C10orf88: variants seen among roughly 807,000 people sequenced by gnomAD.
C10orf88 encodes the protein ATPase PAAT.
A neutral mutation model predicts 34.2 loss-of-function variants in C10orf88; 29 were observed. The ratio of observed to expected loss-of-function variants is 0.85; its 90% CI spans 0.63 to 1.16. The LOEUF (loss-of-function observed/expected upper bound fraction) is 1.16, where lower values mean the gene tolerates loss of function less well. C10orf88 is among the 50% of genes most tolerant of loss of function. C10orf88 has a pLI of 0.00. For missense variants in C10orf88, 507 were observed against 533.2 expected (o/e 0.95, Z 0.48); for synonymous variants, 194 against 197.4 (o/e 0.98, Z 0.15).
rs1286650403 is a variant in C10orf88 at position 122,954,054 on chromosome 10, TCAC to T, written c.122_124del (p.Gly41del). 6.5e-7 allele frequency: 1 copy of T among 1,539,724 alleles called. No homozygotes were observed. The highest frequency in any genetic ancestry group is 8.7e-7 in the Non-Finnish European group (1 of 1,145,960). ...TGCCAGCAGCTCCTCCCAGTCGAAG[TCAC>T]CGGGGCCGAGACCGGCCCGGGTGAG... On this transcript the variant is annotated inframe_deletion, in exon 1 of 6. Coordinates refer to ENST00000481909, the MANE Select transcript of C10orf88 (RefSeq NM_024942.4).
chr10:122,938,309 G>T, intron 4 of C10orf88, 150 bp from the exon 5 acceptor site: 1 of 685,456 alleles, frequency 1.5e-6, no homozygotes, highest in Non-Finnish European at 2.3e-6. Flanking sequence ...CCAATATTAA[G>T]CTGAGGAGAC....
rs1425235979 is a variant in C10orf88 at position 122,932,280 on chromosome 10, T to C, written c.*147A>G. 1 of 605,858 alleles carries C rather than the reference T, an allele frequency of 1.7e-6. No individual in the cohort carries two copies. The highest frequency in any genetic ancestry group is 2.9e-6 in the Non-Finnish European group (1 of 350,774). 37.5% of individuals were successfully genotyped at this position (605,858 alleles called of 1,614,324 possible). On this transcript the variant is annotated 3_prime_UTR_variant, in exon 6 of 6. Coordinates refer to ENST00000481909, the MANE Select transcript of C10orf88 (RefSeq NM_024942.4). The stretch of plus-strand genomic sequence containing the variant: ...AGTACTGGATTTAAAATAACAAGTG[T>C]AGTAAAAACGAAAACTGAGGTCACT...
At chr10:122,932,868 A>T (rs74159924) in intron 5 of C10orf88, among the ~76,000 whole-genome samples, 1 of 152,186 alleles carries the variant, frequency 6.6e-6, no homozygotes, top group South Asian at 2.1e-4. Flanking sequence ...CTTTTTTAGT[A>T]TACAATTGAA....
chr10:122,952,046 A>AT lies in C10orf88; in HGVS notation c.369-21_369-20insA. 1 of 1,246,758 alleles carries AT rather than the reference A, an allele frequency of 8.0e-7. No homozygotes were observed. The highest frequency in any genetic ancestry group is 1.1e-6 in the Non-Finnish European group (1 of 884,280). 77.2% of individuals were successfully genotyped at this position (1,246,758 alleles called of 1,614,324 possible). The stretch of plus-strand genomic sequence containing the variant: ...TGTTCACTAAAAATAAAAAAGAATT[A>AT]ATTTTTTTTACTTACATATATTGTC... On this transcript the variant is annotated intron_variant, in intron 2 of 5. Transcript: ENST00000481909.
At chr10:122,933,804 C>T (rs1360363109) in intron 5 of C10orf88, among the ~76,000 whole-genome samples, 1 of 152,126 alleles carries the variant, frequency 6.6e-6, no homozygotes, top group Non-Finnish European at 1.5e-5. Context: ...ATTCAATATA[C>T]ATGATAATGC....
At position 122,954,101 on chromosome 10, in the gene C10orf88, G is replaced by A. The variant is rs1053802116; in HGVS notation, c.78C>T (p.Ala26=). The A allele has an allele frequency of 5.7e-6, 9 of 1,581,876 alleles. No individual in the cohort carries two copies. Among genetic ancestry groups the A allele is most frequent in the African/African-American group, 1.4e-5 (1 of 73,460 alleles). The change falls in exon 1 of 6, where the codon GCC becomes GCT. Residue 26 remains alanine (A), a synonymous_variant. Transcript: ENST00000481909. ...GGGTGAGGAGGAGGCTGTGGGTCAG[G>A]GCCCCGCCTGCAACATCCCAAGAAG... ...LASSWDVAGG[A]LTHSLLLTRA...
At chr10:122,932,787 T>C in intron 5 of C10orf88, 126 bp from the exon 6 acceptor site, 2 of 677,230 alleles carry the variant, frequency 3.0e-6, no homozygotes, top group Non-Finnish European at 4.9e-6. Flanking sequence ...CTTCTTACAA[T>C]GCATTTCTAG....
At chr10:122,949,631 C>T (rs1216484729) in intron 3 of C10orf88, among the ~76,000 whole-genome samples, 1 of 152,182 alleles carries the variant, frequency 6.6e-6, no homozygotes, top group African/African-American at 2.4e-5. Flanking sequence ...CAATTTAAAA[C>T]TTATGAATTG....
intron 2 of C10orf88, 90 bp downstream of exon 2, chr10:122,952,739 C>T: frequency 6.8e-7 from 1 of 1,465,192 alleles, no homozygotes; most frequent in Non-Finnish European, 9.4e-7. Context: ...CATATGGTAT[C>T]AATATCAGAG....
At position 122,940,177 on chromosome 10, in the gene C10orf88, A is replaced by C. The variant is rs543215116; in HGVS notation, c.649-2018T>G. On this transcript the variant is annotated intron_variant, in intron 4 of 5. Transcript: ENST00000481909. ...ATGTCCATTGACTGATGTATTGATA[A>C]AGAAAATGAAATGAAATATCATTGA... Among the ~76,000 whole-genome samples the C allele has an allele frequency of 2.2e-4, 34 of 152,178 alleles. No homozygotes were observed. The South Asian group carries it at 5.0e-3, about 22-fold the overall frequency.
rs758349249 is a variant in C10orf88 at position 122,937,766 on chromosome 10, C to T, written c.1042G>A (p.Gly348Arg). ...LCSQVNHLHV[G>R]NKTECQENIT... ...TTTTCCTGACACTCGGTCTTATTTCCCACATGGAGATGATTAACTTGACTA... is the reference window on the plus strand; with the variant it reads ...TTTTCCTGACACTCGGTCTTATTTCTCACATGGAGATGATTAACTTGACTA... Residue 348 changes from glycine to arginine, a missense_variant, in exon 5 of 6, where the codon GGA becomes AGA. Transcript: ENST00000481909. 1.4e-4 allele frequency: 223 copies of T among 1,612,784 alleles called. 1 individual carries two copies. The highest frequency in any genetic ancestry group is 1.9e-4 in the Non-Finnish European group (220 of 1,179,290).
At chr10:122,937,376 T>C (rs974923927) in intron 5 of C10orf88, among the ~76,000 whole-genome samples, 1 of 151,920 alleles carries the variant, frequency 6.6e-6, no homozygotes, top group Admixed American at 6.6e-5. Context: ...AGTACAAATA[T>C]ATAAAAACAA....
In C10orf88 at chr10:122,937,702, T is replaced by C. The variant is rs1255228132; in HGVS notation, c.1103+3A>G. The C allele has an allele frequency of 6.3e-7, 1 of 1,588,834 alleles. No homozygotes were observed. On this transcript the variant is annotated splice_donor_region_variant and intron_variant, in intron 5 of 5. Transcript: ENST00000481909. ...AACTCGTATGTCTTAAAATAATACT[T>C]ACCCAACACCAAGAATGCGTTCACC...
In C10orf88 at chr10:122,954,009, G is replaced by A; in HGVS notation, c.164+6C>T. On this transcript the variant is annotated splice_donor_region_variant and intron_variant, in intron 1 of 5. Coordinates refer to ENST00000481909, the MANE Select transcript of C10orf88 (RefSeq NM_024942.4). The stretch of plus-strand genomic sequence containing the variant: ...TAGCGACCCCGTCCCCGTCGGCCCG[G>A]CGCACCCTGGAGCAGGCGGTGCCAG... 1 of 1,516,006 alleles carries A rather than the reference G, an allele frequency of 6.6e-7. No homozygotes were observed. Among genetic ancestry groups the A allele is most frequent in the Non-Finnish European group, 8.8e-7 (1 of 1,136,278 alleles). The allele number at this position is 1,516,006 out of a possible 1,614,324, so 93.9% of individuals were successfully genotyped here. A position where few individuals can be genotyped will look rare whatever the true frequency, so the allele number is the denominator to read the frequency against.
intron 5 of C10orf88, among the ~76,000 whole-genome samples, chr10:122,934,106 CAA>C (rs1445185489): frequency 6.6e-6 from 1 of 152,134 alleles, no homozygotes; most frequent in Non-Finnish European, 1.5e-5. Flanking sequence ...CAGGAAGTTG[CAA>C]AGATATTAGT....
rs772762774 is a variant in C10orf88, at chr10:122,932,534, T to G, written c.1231A>C (p.Lys411Gln). The G allele has an allele frequency of 1.9e-6, 3 of 1,614,018 alleles. No homozygotes were observed. Among genetic ancestry groups the G allele is most frequent in the Non-Finnish European group, 8.5e-7 (1 of 1,179,956 alleles). ...AGCAAATCCAGTAACAAAGCAATCT[T>G]ATCATCAATGTGCTCCTGGAGTTCA... ...IHELQEHIDD[K>Q]IALLLDLLQN... Residue 411 changes from lysine to glutamine, a missense_variant, in exon 6 of 6, where the codon AAG becomes CAG. Coordinates refer to ENST00000481909, the MANE Select transcript of C10orf88 (RefSeq NM_024942.4).
chr10:122,944,067 C>T (rs1343427926), intron 4 of C10orf88, among the ~76,000 whole-genome samples: 1 of 151,872 alleles, frequency 6.6e-6, no homozygotes, highest in African/African-American at 2.4e-5. Context: ...TCTAAAGACA[C>T]ATGCACACAT....
chr10:122,953,403 C>T (rs1162694019), intron 1 of C10orf88, among the ~76,000 whole-genome samples: 2 of 152,094 alleles, frequency 1.3e-5, no homozygotes, highest in Non-Finnish European at 2.9e-5. Context: ...AACTCACTTC[C>T]ACTTGCCCTT....
intron 4 of C10orf88, among the ~76,000 whole-genome samples, chr10:122,938,860 C>T (rs979330834): frequency 6.6e-6 from 1 of 151,978 alleles, no homozygotes; most frequent in Non-Finnish European, 1.5e-5. Context: ...GGGATGATTA[C>T]AGTATCTCCC....
Sources: allele counts gnomAD v4.1 joint callset (sites outside exome capture counted in the v4.1 genomes callset), GRCh38; gene constraint gnomAD v4.1.1; transcripts MANE v1.5; gene names NCBI Gene and HGNC (gene_info 2026-07-23, HGNC 2026-07-21).